The following KDM5B variants were observed in gnomAD, a reference collection of about 807,000 sequenced individuals.
KDM5B encodes lysine demethylase 5B.
A neutral mutation model predicts 193.4 loss-of-function variants in KDM5B; 144 were observed. The ratio of observed to expected loss-of-function variants is 0.74; its 90% CI spans 0.65 to 0.86. KDM5B has a LOEUF of 0.86. KDM5B is among the 40% of genes least tolerant of loss of function. The probability of loss-of-function intolerance (pLI) is 0.00; values close to 1 mark genes in which losing one functional copy is unlikely to be tolerated. For missense variants in KDM5B, 1,833 were observed against 1,886.9 expected, an observed-to-expected ratio of 0.97 and a Z score of 0.53; for synonymous variants, 668 against 682.6, an observed-to-expected ratio of 0.98 and a Z score of 0.33.
chr1:202,766,847 TGA>T (rs2102283235), intron 5 of KDM5B, 77 bp downstream of exon 5: 1 of 1,434,048 alleles, frequency 7.0e-7, no homozygotes, highest in South Asian at 1.4e-5. Flanking sequence ...AGCACACACA[TGA>T]GAGAAATCCA....
At chr1:202,769,633 C>T (rs1209263403) in intron 4 of KDM5B, among the ~76,000 whole-genome samples, 3 of 127,898 alleles carry the variant, frequency 2.3e-5, no homozygotes, top group African/African-American at 5.9e-5. Context: ...CATGCCACTG[C>T]ACTCCAGCCT....
chr1:202,742,573 C>A, intron 17 of KDM5B, 68 bp from the exon 18 acceptor site: 1 of 1,601,378 alleles, frequency 6.2e-7, no homozygotes, highest in Non-Finnish European at 8.6e-7. Flanking sequence ...CAGGTGGTCA[C>A]AGAAATTCAA....
rs1417505951 is a variant in KDM5B at position 202,727,952 on chromosome 1, C to T, written c.*1084G>A. 6.6e-6 allele frequency: 1 copy of T among 152,644 alleles called. No individual in the cohort carries two copies. The highest frequency in any genetic ancestry group is 2.4e-5 in the African/African-American group (1 of 41,454). The allele number at this position is 152,644 out of a possible 1,614,324, so 9.5% of individuals were successfully genotyped here. A position where few individuals can be genotyped will look rare whatever the true frequency, so the allele number is the denominator to read the frequency against. ...GAAAGCTTATTTTAAAAGAGCACGG[C>T]TTTAAAGATAGGTTCTAGTCCTTGA... is the stretch of plus-strand genomic sequence containing the variant. On this transcript the variant is annotated 3_prime_UTR_variant, in exon 27 of 27. Transcript: ENST00000367265.
chr1:202,772,680 AC>A (rs1288985303), intron 4 of KDM5B, among the ~76,000 whole-genome samples: 1 of 152,050 alleles, frequency 6.6e-6, no homozygotes, highest in African/African-American at 2.4e-5. Flanking sequence ...AGAGGAAAAA[AC>A]ACAAAACAAG....
intron 8 of KDM5B, 100 bp downstream of exon 8, chr1:202,760,314 TA>T: frequency 1.1e-4 from 93 of 849,004 alleles, no homozygotes; most frequent in South Asian, 1.6e-4. Context: ...AGTCCTTGTC[TA>T]AAAAAAATAA....
chr1:202,762,225 T>G (rs528406220), intron 7 of KDM5B, among the ~76,000 whole-genome samples: 1 of 152,302 alleles, frequency 6.6e-6, no homozygotes, highest in East Asian at 1.9e-4. Context: ...CCTTCTCTAC[T>G]TCCTTTTCAT....
chr1:202,733,651 T>C lies in KDM5B; in HGVS notation c.3659A>G (p.His1220Arg), dbSNP rs1485872176. ...SQGLRIWLCP[H>R]CRRSEKPPLE... The stretch of plus-strand genomic sequence containing the variant: ...TGGAGGTTTCTCTGACCTCCGACAA[T>C]GGGGACAAAGCCAGATTCGCAGGCC... The change falls in exon 23 of 27, where the codon CAT (histidine) becomes CGT (arginine). Residue 1220 changes from histidine to arginine, a missense_variant. Physicochemically the swap from His to Arg is conservative, Grantham distance 29 (BLOSUM62 0). This residue lies in a region of KDM5B where 1,379 missense variants were observed against 1,349.6 expected (regional missense o/e 1.02). Transcript: ENST00000367265. The C allele has an allele frequency of 6.2e-6, 10 of 1,613,908 alleles. No homozygotes were observed. The African/African-American group carries it at 6.7e-5, about 11-fold the overall frequency.
intron 1 of KDM5B, among the ~76,000 whole-genome samples, chr1:202,786,558 C>T (rs1425868456): frequency 6.6e-6 from 1 of 152,104 alleles, no homozygotes; most frequent in Non-Finnish European, 1.5e-5. Flanking sequence ...CACAGTTCTG[C>T]CATTAAAGCA....
intron 13 of KDM5B, 95 bp downstream of exon 13, chr1:202,750,564 C>T (rs892824672): frequency 3.7e-6 from 5 of 1,357,658 alleles, no homozygotes; most frequent in Non-Finnish European, 5.1e-6. Flanking sequence ...CATGAGCTAC[C>T]GCACCCAGCC....
At position 202,764,220 on chromosome 1, in the gene KDM5B, A is replaced by T. The variant is rs570987014; in HGVS notation, c.712-75T>A. On this transcript the variant is annotated intron_variant, in intron 5 of 26. Transcript: ENST00000367265. ...CTTTAAAAATCCAACTGGAATCTCA[A>T]GGTGACTATATCCTACCAATTGCCT... The T allele has an allele frequency of 2.0e-5, 15 of 752,018 alleles. No individual in the cohort carries two copies. The African/African-American group carries it at 2.1e-4, about 11-fold the overall frequency. 46.6% of individuals were successfully genotyped at this position (752,018 alleles called of 1,614,324 possible).
Position 202,726,682 on chromosome 1 carries a change from T to C in KDM5B, c.*2354A>G, listed in dbSNP as rs991507446. ...CCTACAAGTTCAGAGGTTTCTCTGGTACAGGCCAGCTTCACAGCTAACACA... is the reference window on the plus strand; with the variant it reads ...CCTACAAGTTCAGAGGTTTCTCTGGCACAGGCCAGCTTCACAGCTAACACA... On this transcript the variant is annotated 3_prime_UTR_variant, in exon 27 of 27. Transcript: ENST00000367265. 4 of 152,214 alleles carry C rather than the reference T, an allele frequency of 2.6e-5. No individual in the cohort carries two copies. The highest frequency in any genetic ancestry group is 5.9e-5 in the Non-Finnish European group (4 of 68,030). The allele number at this position is 152,214 out of a possible 1,614,324, so 9.4% of individuals were successfully genotyped here.
chr1:202,745,993 T>A lies in KDM5B; in HGVS notation c.2199-11A>T. The A allele has an allele frequency of 6.2e-7, 1 of 1,613,778 alleles. No homozygotes were observed. Among genetic ancestry groups the A allele is most frequent in the Admixed American group, 1.7e-5 (1 of 60,016 alleles). On this transcript the variant is annotated splice_polypyrimidine_tract_variant and intron_variant, in intron 15 of 26. Coordinates refer to ENST00000367265, the MANE Select transcript of KDM5B (RefSeq NM_006618.5). ...AGCGTGTACCTATACCTGGAAATAATACCACCACACTTAGCTTTGAGACGT... is the reference window on the plus strand; with the variant it reads ...AGCGTGTACCTATACCTGGAAATAAAACCACCACACTTAGCTTTGAGACGT...
chr1:202,803,897 G>A (rs1658180289), intron 1 of KDM5B, among the ~76,000 whole-genome samples: 1 of 142,442 alleles, frequency 7.0e-6, no homozygotes, highest in Non-Finnish European at 1.5e-5. Flanking sequence ...TTTTCTCCTG[G>A]GCATTATAGT....
intron 1 of KDM5B, chr1:202,807,162 A>C (rs978986638): frequency 2.0e-5 from 3 of 152,274 alleles, no homozygotes; most frequent in Non-Finnish European, 2.9e-5. Context: ...GGCCGGGGGA[A>C]ACGAGCACGA....
chr1:202,773,434 T>C lies in KDM5B; in HGVS notation c.406-146A>G, dbSNP rs1000109851. On this transcript the variant is annotated intron_variant, in intron 3 of 26. Transcript: ENST00000367265. ...TCATATATATATACACACACACACATATATATACACACACACTATTAATTT... is the reference window on the plus strand; with the variant it reads ...TCATATATATATACACACACACACACATATATACACACACACTATTAATTT... 19 of 610,552 alleles carry C rather than the reference T, an allele frequency of 3.1e-5. 1 individual carries two copies. Among genetic ancestry groups the C allele is most frequent in the South Asian group, 4.1e-5 (2 of 48,882 alleles). 37.8% of individuals were successfully genotyped at this position (610,552 alleles called of 1,614,324 possible).
intron 3 of KDM5B, among the ~76,000 whole-genome samples, chr1:202,773,879 A>G (rs1229813215): frequency 6.6e-6 from 1 of 152,094 alleles, no homozygotes; most frequent in Non-Finnish European, 1.5e-5. Flanking sequence ...CTGGGATTAC[A>G]GGCATGTGCC....
Position 202,741,626 on chromosome 1 carries a change from C to T in KDM5B, c.2686G>A (p.Val896Ile), listed in dbSNP as rs1479371872. The T allele has an allele frequency of 1.2e-6, 2 of 1,614,186 alleles. No homozygotes were observed. The highest frequency in any genetic ancestry group is 2.7e-5 in the African/African-American group (2 of 75,060). Residue 896 changes from valine (V) to isoleucine (I), a missense_variant, in exon 19 of 27, where the codon GTC becomes ATC. By Grantham distance (29) the Val-to-Ile change is conservative. Coordinates refer to ENST00000367265, the MANE Select transcript of KDM5B (RefSeq NM_006618.5). ...SAAELQDLLD[V>I]SFEFDVELPQ... ...AGTTCAACATCAAATTCAAAGCTGA[C>T]ATCTAGCAAGTCCTGCAGCTCCGCA...
chr1:202,762,654 G>T, intron 7 of KDM5B, 45 bp downstream of exon 7: 2 of 1,100,184 alleles, frequency 1.8e-6, no homozygotes, highest in Non-Finnish European at 2.8e-6. Flanking sequence ...AGGAAGGGAA[G>T]AAGGAAAACA....
At position 202,731,128 on chromosome 1, in the gene KDM5B, TTA is replaced by T. The variant is rs1237896985; in HGVS notation, c.4022-67_4022-66del. On this transcript the variant is annotated intron_variant, in intron 24 of 26. Coordinates refer to ENST00000367265, the MANE Select transcript of KDM5B (RefSeq NM_006618.5). Reference sequence around the variant, plus strand: ...GGGTGTTTCACATTCACATTTGGGTTTATGAGACAAATAGAAGGACTGCCCCT... The same window carrying T: ...GGGTGTTTCACATTCACATTTGGGTTTGAGACAAATAGAAGGACTGCCCCT... The T allele has an allele frequency of 3.7e-6, 5 of 1,364,454 alleles. No individual in the cohort carries two copies. In the African/African-American group the frequency reaches 5.8e-5, roughly 16 times the overall value. The allele number at this position is 1,364,454 out of a possible 1,614,324, so 84.5% of individuals were successfully genotyped here.
Sources: allele counts gnomAD v4.1 joint callset (sites outside exome capture counted in the v4.1 genomes callset), GRCh38; gene constraint gnomAD v4.1.1; regional missense constraint gnomAD v4.1.1; transcripts MANE v1.5; gene names NCBI Gene and HGNC (gene_info 2026-07-23, HGNC 2026-07-21).